Variants in SCARA3 observed in about 807,000 individuals in gnomAD.
The protein encoded by SCARA3 is cellular stress response gene protein.
A neutral mutation model predicts 47.0 loss-of-function variants in SCARA3; 39 were observed. The ratio of observed to expected loss-of-function variants is 0.83; its 90% CI spans 0.64 to 1.08. The LOEUF (loss-of-function observed/expected upper bound fraction) is 1.08. SCARA3 is among the 50% of genes least tolerant of loss of function. The probability of loss-of-function intolerance (pLI) is 0.00; values close to 1 mark genes in which losing one functional copy is unlikely to be tolerated. For missense variants in SCARA3, 724 were observed against 792.3 expected, an observed-to-expected ratio of 0.91 and a Z score of 1.04; for synonymous variants, 356 against 334.1, an observed-to-expected ratio of 1.07 and a Z score of -0.71.
downstream of SCARA3, among the ~76,000 whole-genome samples, chr8:27,674,576 G>A (rs193267162): frequency 2.0e-5 from 3 of 152,250 alleles, no homozygotes; most frequent in Non-Finnish European, 2.9e-5. Flanking sequence ...GGGCCAAGGC[G>A]ATGAAGTCTG....
rs1248804265 is a variant in SCARA3, at chr8:27,659,465, C to G, written c.1295C>G (p.Ser432Cys). The part of the protein sequence containing the change: ...ARLDLNVRNL[S>C]MIVEEMKAVD... ...CTGGACCTCAACGTCCGGAACCTCT[C>G]CATGATCGTGGAGGAGATGAAGGCA... The change falls in exon 5 of 6, where the codon TCC (serine) becomes TGC (cysteine). Residue 432 changes from serine to cysteine, a missense_variant. Transcript: ENST00000301904. 3 of 1,613,872 alleles carry G rather than the reference C, an allele frequency of 1.9e-6. No homozygotes were observed. The highest frequency in any genetic ancestry group is 1.3e-5 in the African/African-American group (1 of 74,908).
In SCARA3 at chr8:27,634,025, C is replaced by A; in HGVS notation, c.-176C>A. The A allele has an allele frequency of 2.5e-6, 1 of 400,586 alleles. No homozygotes were observed. Among genetic ancestry groups the A allele is most frequent in the Non-Finnish European group, 4.2e-6 (1 of 240,336 alleles). 24.8% of individuals were successfully genotyped at this position (400,586 alleles called of 1,614,324 possible). A position where few individuals can be genotyped will look rare whatever the true frequency, so the allele number is the denominator to read the frequency against. On this transcript the variant is annotated 5_prime_UTR_variant, in exon 1 of 6. Coordinates refer to ENST00000301904, the MANE Select transcript of SCARA3 (RefSeq NM_016240.3). The stretch of plus-strand genomic sequence containing the variant: ...CTGCGACCCCGCGGGACCCTCCACT[C>A]CTCCCGCCGCCTCCGCAGCCCGCGC...
intron 3 of SCARA3, among the ~76,000 whole-genome samples, chr8:27,655,180 T>A (rs192003843): frequency 7.2e-5 from 11 of 152,230 alleles, no homozygotes; most frequent in Admixed American, 7.2e-4. Flanking sequence ...AGCCTTAGAG[T>A]CATCGAGCTC....
At chr8:27,701,587 C>G in the SCARA3 span, 1 of 151,026 alleles carries the variant, frequency 6.6e-6, no homozygotes, top group Non-Finnish European at 1.5e-5. Flanking sequence ...TTCTCTTTCT[C>G]TCTTTCTTTC....
At chr8:27,726,468 G>T in the SCARA3 span, among the ~76,000 whole-genome samples, 1 of 152,112 alleles carries the variant, frequency 6.6e-6, no homozygotes. Context: ...GGAAGCCGAG[G>T]CGGGTGGATC....
chr8:27,704,906 G>C, the SCARA3 span, among the ~76,000 whole-genome samples: 1 of 152,102 alleles, frequency 6.6e-6, no homozygotes, highest in Admixed American at 6.5e-5. Flanking sequence ...CGCCCTGCAG[G>C]GTAATCCAAC....
intron 5 of SCARA3, 94 bp from the exon 6 acceptor site, chr8:27,670,806 C>A: frequency 9.7e-7 from 1 of 1,026,854 alleles, no homozygotes; most frequent in Non-Finnish European, 1.4e-6. Flanking sequence ...TTGTTCAACC[C>A]TCGGGCTGTC....
the SCARA3 span, among the ~76,000 whole-genome samples, chr8:27,725,688 T>C: frequency 6.6e-6 from 1 of 152,138 alleles, no homozygotes; most frequent in South Asian, 2.1e-4. Flanking sequence ...GTTGGGTTCA[T>C]GGCTGGAGTC....
chr8:27,665,412 A>AGTGTCTGTGCTAGACT (rs34888408), intron 5 of SCARA3, among the ~76,000 whole-genome samples: 2 of 152,320 alleles, frequency 1.3e-5, no homozygotes, highest in African/African-American at 2.4e-5. Context: ...GGGTAATTTC[A>AGTGTCTGTGCTAGACT]GTGTCTGTGC....
chr8:27,678,374 T>C (rs1008429920), downstream of SCARA3, among the ~76,000 whole-genome samples: 1 of 152,128 alleles, frequency 6.6e-6, no homozygotes. Flanking sequence ...ATTAAAAGGA[T>C]AGTAACAGAA....
downstream of SCARA3, chr8:27,673,028 CTT>C: frequency 1.0e-6 from 1 of 982,294 alleles, no homozygotes; most frequent in Admixed American, 6.1e-5. Context: ...AGTGAGGTGT[CTT>C]TGAGTCCTTT....
At chr8:27,634,713 C>T (rs986613887) in intron 1 of SCARA3, among the ~76,000 whole-genome samples, 3 of 152,172 alleles carry the variant, frequency 2.0e-5, no homozygotes, top group Admixed American at 1.3e-4. Context: ...CCCTTCCCAA[C>T]CCCTGAACCC....
At chr8:27,726,838 T>G in the SCARA3 span, among the ~76,000 whole-genome samples, 20 of 152,244 alleles carry the variant, frequency 1.3e-4, no homozygotes, top group Admixed American at 2.6e-4. Context: ...CAGGCTGGAG[T>G]GCAGTGGTGC....
the SCARA3 span, among the ~76,000 whole-genome samples, chr8:27,726,362 C>T: frequency 5.3e-5 from 8 of 152,176 alleles, no homozygotes; most frequent in South Asian, 4.2e-4. Context: ...GCTATGATTG[C>T]GCCACTGCTC....
rs869278331 is a variant in SCARA3 at position 27,646,966 on chromosome 8, GC to G, written c.8-2731del. On this transcript the variant is annotated intron_variant, in intron 1 of 5. Coordinates refer to ENST00000301904, the MANE Select transcript of SCARA3 (RefSeq NM_016240.3). ...AAAGCACTTGCCCGCACCCCTGACCGCCCCCGCCCCCCCCCCGCACACACAC... is the reference window on the plus strand; with the variant it reads ...AAAGCACTTGCCCGCACCCCTGACCGCCCCGCCCCCCCCCCGCACACACAC... Among the ~76,000 whole-genome samples the G allele has an allele frequency of 2.7e-4, 8 of 29,844 alleles. 2 individuals carry two copies. Among genetic ancestry groups the G allele is most frequent in the Non-Finnish European group, 4.1e-4 (7 of 16,992 alleles). 19.6% of individuals were successfully genotyped at this position (29,844 alleles called of 152,430 possible).
rs1563405275 is a variant in SCARA3 at position 27,651,512 on chromosome 8, GCCAGGGCC to G, written c.114_121del (p.Gly39LeufsTer54). 1 of 1,612,016 alleles carries G rather than the reference GCCAGGGCC, an allele frequency of 6.2e-7. No individual in the cohort carries two copies. Among genetic ancestry groups the G allele is most frequent in the Non-Finnish European group, 8.5e-7 (1 of 1,179,978 alleles). On this transcript the variant is annotated frameshift_variant, in exon 3 of 6. Coordinates refer to ENST00000301904, the MANE Select transcript of SCARA3 (RefSeq NM_016240.3). LOFTEE classifies it high-confidence loss of function. The stretch of plus-strand genomic sequence containing the variant: ...TCCTCCTTGTGTCCCCCACAGGCCG[GCCAGGGCC>G]CCGCTGCAGCCGCTGCCAGAAGAAC...
chr8:27,655,505 G>T (rs745979830), intron 3 of SCARA3, among the ~76,000 whole-genome samples: 2 of 152,166 alleles, frequency 1.3e-5, no homozygotes, highest in Non-Finnish European at 2.9e-5. Flanking sequence ...AGAGTGCAAG[G>T]CTGCCCGTGG....
the SCARA3 span, among the ~76,000 whole-genome samples, chr8:27,712,124 G>T: frequency 6.6e-6 from 1 of 152,088 alleles, no homozygotes; most frequent in Non-Finnish European, 1.5e-5. Context: ...CACTTCTTCA[G>T]CCCTCCCTCC....
chr8:27,671,937 A>G lies in SCARA3; in HGVS notation c.*586A>G. ...CTGTGACTGAGCCTGCCAGGGAGGC[A>G]GCTACCTCGGGAGGAAGGTCTCACA... On this transcript the variant is annotated 3_prime_UTR_variant, in exon 6 of 6. Transcript: ENST00000301904. 1.0e-6 allele frequency: 1 copy of G among 985,444 alleles called. No individual in the cohort carries two copies. Among genetic ancestry groups the G allele is most frequent in the Non-Finnish European group, 1.2e-6 (1 of 829,938 alleles). 61.0% of individuals were successfully genotyped at this position (985,444 alleles called of 1,614,324 possible). A position where few individuals can be genotyped will look rare whatever the true frequency, so the allele number is the denominator to read the frequency against.
Sources: gnomAD v4.1 joint callset for allele counts (sites outside exome capture counted in the v4.1 genomes callset) on GRCh38, gnomAD v4.1.1 for gene constraint, MANE v1.5 for transcripts, NCBI Gene and HGNC (gene_info 2026-07-23, HGNC 2026-07-21) for gene names.